Variants in LYPLA1 observed in about 807,000 individuals in gnomAD.
LYPLA1 encodes lysophospholipase 1.
A neutral mutation model predicts 34.0 loss-of-function variants in LYPLA1; 17 were observed. The observed-to-expected ratio is 0.50, with a 90% CI of 0.34 to 0.75. The LOEUF (loss-of-function observed/expected upper bound fraction) is 0.75, where lower values mean the gene tolerates loss of function less well. Among genes scored for constraint, LYPLA1 ranks in the 30% least tolerant of loss-of-function variants. The pLI is 0.01. For missense variants in LYPLA1, 203 were observed against 288.8 expected (o/e 0.70, Z 2.15); for synonymous variants, 98 against 100.8 (o/e 0.97, Z 0.17).
At chr8:54,099,982 C>A (rs1228289433) in intron 2 of LYPLA1, among the ~76,000 whole-genome samples, 1 of 152,128 alleles carries the variant, frequency 6.6e-6, no homozygotes, top group Non-Finnish European at 1.5e-5. Context: ...CCGCGCCCGG[C>A]CCCAATGGTT....
At chr8:54,097,202 C>A (rs1331220768) in intron 2 of LYPLA1, among the ~76,000 whole-genome samples, 1 of 152,160 alleles carries the variant, frequency 6.6e-6, no homozygotes, top group East Asian at 1.9e-4. Flanking sequence ...CCACCTTAAT[C>A]AAAAGATCGA....
intron 2 of LYPLA1, among the ~76,000 whole-genome samples, chr8:54,096,729 C>T (rs372584422): frequency 3.4e-5 from 5 of 146,704 alleles, no homozygotes; most frequent in Non-Finnish European, 6.0e-5. Flanking sequence ...GACGACAGGG[C>T]GAGACAAGGT....
rs779107567 is a variant in LYPLA1, at chr8:54,101,800, G to A, written c.24C>T (p.Thr8=). MCGNNMS[T]PLPAIVPAAR... ...CGGCGGGCACGATGGCGGGCAGCGG[G>A]GTTGACATGTTATTGCCGCACATAC... Residue 8 remains threonine (T), a synonymous_variant, in exon 1 of 9, where the codon ACC becomes ACT. Coordinates refer to ENST00000316963, the MANE Select transcript of LYPLA1 (RefSeq NM_006330.4). 3.9e-6 allele frequency: 5 copies of A among 1,293,360 alleles called. No homozygotes were observed. The East Asian group carries it at 8.9e-5, about 23-fold the overall frequency. The allele number at this position is 1,293,360 out of a possible 1,614,324, so 80.1% of individuals were successfully genotyped here. A position where few individuals can be genotyped will look rare whatever the true frequency, so the allele number is the denominator to read the frequency against.
chr8:54,067,829 G>A (rs967749691), intron 2 of LYPLA1, among the ~76,000 whole-genome samples: 11 of 151,306 alleles, frequency 7.3e-5, no homozygotes, highest in African/African-American at 9.7e-5. Flanking sequence ...CCGAGTAGGC[G>A]CCCGCCACCA....
rs772380430 is a variant in LYPLA1 at position 54,101,808 on chromosome 8, T to G, written c.16A>C (p.Met6Leu). The change falls in exon 1 of 9, where the codon ATG (methionine) becomes CTG (leucine). Residue 6 changes from methionine to leucine, a missense_variant. Met to Leu is a conservative substitution (Grantham distance 15, BLOSUM62 2). Coordinates refer to ENST00000316963, the MANE Select transcript of LYPLA1 (RefSeq NM_006330.4). ...ACGATGGCGGGCAGCGGGGTTGACA[T>G]GTTATTGCCGCACATACACCGCCTC... MCGNN[M>L]STPLPAIVPA... is the part of the protein sequence containing the mutation. 1 of 1,287,040 alleles carries G rather than the reference T, an allele frequency of 7.8e-7. No individual in the cohort carries two copies. 79.7% of individuals were successfully genotyped at this position (1,287,040 alleles called of 1,614,324 possible).
At chr8:54,089,398 C>T (rs1809040807) in intron 2 of LYPLA1, among the ~76,000 whole-genome samples, 1 of 147,638 alleles carries the variant, frequency 6.8e-6, no homozygotes, top group Non-Finnish European at 1.5e-5. Flanking sequence ...ACCTCTTTGC[C>T]TAATTTATAA....
downstream of LYPLA1, among the ~76,000 whole-genome samples, chr8:54,045,357 A>G (rs1413789489): frequency 6.6e-6 from 1 of 152,228 alleles, no homozygotes; most frequent in Non-Finnish European, 1.5e-5. Context: ...ACATATAGAT[A>G]CAACTATTGT....
intron 2 of LYPLA1, among the ~76,000 whole-genome samples, chr8:54,066,661 G>C (rs552428614): frequency 7.2e-5 from 11 of 151,830 alleles, no homozygotes; most frequent in South Asian, 2.1e-4. Flanking sequence ...TGCACCTGTA[G>C]TCCCAGCTAC....
At chr8:54,076,978 T>G (rs1427286157) in intron 2 of LYPLA1, among the ~76,000 whole-genome samples, 3 of 152,102 alleles carry the variant, frequency 2.0e-5, no homozygotes, top group Non-Finnish European at 2.9e-5. Context: ...CTAGCACCGC[T>G]GGGTTAGGGT....
intron 2 of LYPLA1, among the ~76,000 whole-genome samples, chr8:54,087,271 A>C (rs1314944283): frequency 6.6e-6 from 1 of 152,274 alleles, no homozygotes; most frequent in African/African-American, 2.4e-5. Context: ...TAAAGTCAAC[A>C]ATTCCATTCG....
At chr8:54,048,360 T>G (rs1805614818) in intron 8 of LYPLA1, among the ~76,000 whole-genome samples, 1 of 152,196 alleles carries the variant, frequency 6.6e-6, no homozygotes, top group Non-Finnish European at 1.5e-5. Context: ...CTTCCTATAC[T>G]GGAACAATAT....
In LYPLA1 at chr8:54,063,353, T is replaced by G. The variant is rs377121934; in HGVS notation, c.190A>C (p.Asn64His). The G allele has an allele frequency of 4.5e-6, 7 of 1,541,278 alleles. No homozygotes were observed. Among genetic ancestry groups the G allele is most frequent in the Non-Finnish European group, 6.1e-6 (7 of 1,141,792 alleles). Residue 64 changes from asparagine to histidine, a missense_variant, in exon 4 of 9, where the codon AAT becomes CAT. Coordinates refer to ENST00000316963, the MANE Select transcript of LYPLA1 (RefSeq NM_006330.4). Reference protein sequence around the residue: ...PHAPVRPVTLNMNVAMPSWFD... With the variant: ...PHAPVRPVTLHMNVAMPSWFD... ...CATGAAGGCATAGCCACGTTCATAT[T>G]TAATGTAACAGGCCTAACAGGCCTA... is the stretch of plus-strand genomic sequence containing the variant.
intron 2 of LYPLA1, among the ~76,000 whole-genome samples, chr8:54,083,374 T>C (rs771899294): frequency 1.3e-5 from 2 of 152,154 alleles, no homozygotes; most frequent in Non-Finnish European, 2.9e-5. Context: ...AAAATAACAA[T>C]GAAAAGCTCA....
chr8:54,069,337 G>T (rs1374215313), intron 2 of LYPLA1, among the ~76,000 whole-genome samples: 1 of 152,108 alleles, frequency 6.6e-6, no homozygotes, highest in Non-Finnish European at 1.5e-5. Flanking sequence ...TTGTATACAT[G>T]TATCAAAATA....
At chr8:54,094,472 G>A (rs1309364464) in intron 2 of LYPLA1, among the ~76,000 whole-genome samples, 2 of 152,162 alleles carry the variant, frequency 1.3e-5, no homozygotes, top group African/African-American at 4.8e-5. Context: ...TTACAAATAT[G>A]GAAAGGGAGA....
intron 5 of LYPLA1, 130 bp downstream of exon 5, chr8:54,062,124 C>A: frequency 3.3e-6 from 2 of 615,266 alleles, no homozygotes; most frequent in South Asian, 1.9e-5. Context: ...TCCCAAAGTA[C>A]TGGGATTACA....
At position 54,101,787 on chromosome 8, in the gene LYPLA1, T is replaced by C. The variant is rs147994044; in HGVS notation, c.37A>G (p.Ile13Val). The C allele has an allele frequency of 1.7e-5, 22 of 1,297,454 alleles. 1 individual carries two copies. The highest frequency in any genetic ancestry group is 6.2e-4 in the Middle Eastern group (2 of 3,228). 80.4% of individuals were successfully genotyped at this position (1,297,454 alleles called of 1,614,324 possible). A position where few individuals can be genotyped will look rare whatever the true frequency, so the allele number is the denominator to read the frequency against. The change falls in exon 1 of 9, where the codon ATC becomes GTC. Residue 13 changes from isoleucine (I) to valine (V), a missense_variant. By Grantham distance (29) the Ile-to-Val change is conservative (BLOSUM62 3). Around this residue, in one of 3 missense-constraint regions of LYPLA1, gnomAD observed 75 missense variants for 73.5 expected, o/e 1.02. Coordinates refer to ENST00000316963, the MANE Select transcript of LYPLA1 (RefSeq NM_006330.4). ...GTGGCCTTCCGGGCGGCGGGCACGATGGCGGGCAGCGGGGTTGACATGTTA... is the reference window on the plus strand; with the variant it reads ...GTGGCCTTCCGGGCGGCGGGCACGACGGCGGGCAGCGGGGTTGACATGTTA... The part of the protein sequence containing the change: ...GNNMSTPLPA[I>V]VPAARKATAA...
chr8:54,057,912 G>A (rs1399448174), intron 5 of LYPLA1, among the ~76,000 whole-genome samples: 3 of 151,630 alleles, frequency 2.0e-5, no homozygotes, highest in Admixed American at 6.6e-5. Flanking sequence ...AACATCTCAC[G>A]TACATATAAA....
At chr8:54,058,913 C>T (rs193055256) in intron 5 of LYPLA1, among the ~76,000 whole-genome samples, 24 of 152,314 alleles carry the variant, frequency 1.6e-4, no homozygotes, top group Admixed American at 5.2e-4. Flanking sequence ...GTACCCCCAA[C>T]TATGTAACCT....
Sources: gnomAD v4.1 joint callset for allele counts (sites outside exome capture counted in the v4.1 genomes callset) on GRCh38, gnomAD v4.1.1 for gene constraint, gnomAD v4.1.1 regional missense constraint, MANE v1.5 for transcripts, NCBI Gene and HGNC (gene_info 2026-07-23, HGNC 2026-07-21) for gene names.